The following DLG2 variants were observed in gnomAD, a reference collection of about 807,000 sequenced individuals.
DLG2 encodes discs large MAGUK scaffold protein 2.
In DLG2, 45 loss-of-function variants were observed where a neutral mutation model predicts 132.5. The observed-to-expected ratio is 0.34, with a 90% CI of 0.27 to 0.44. DLG2 has a LOEUF of 0.44. Ranked by LOEUF, DLG2 falls within the 20% of genes least tolerant of loss-of-function variation. DLG2 has a pLI of 1.00. For synonymous variants in DLG2, 424 were observed against 419.6 expected (o/e 1.01, Z -0.13); for missense variants, 1,045 against 1,196.9 (o/e 0.87, Z 1.87).
chr11:84,192,424 T>C (rs954138498), intron 8 of DLG2, among the ~76,000 whole-genome samples: 1 of 152,158 alleles, frequency 6.6e-6, no homozygotes, highest in Non-Finnish European at 1.5e-5. Context: ...TTTTATTTTA[T>C]GATCAGAAGA....
At chr11:84,845,145 GA>G (rs1185511096) in intron 6 of DLG2, among the ~76,000 whole-genome samples, 9 of 152,200 alleles carry the variant, frequency 5.9e-5, no homozygotes, top group Non-Finnish European at 7.4e-5. Flanking sequence ...AATATCTCAG[GA>G]GACAAGGGTT....
chr11:84,196,718 G>A (rs1475941794), intron 8 of DLG2, among the ~76,000 whole-genome samples: 1 of 152,106 alleles, frequency 6.6e-6, no homozygotes, highest in Non-Finnish European at 1.5e-5. Context: ...TGTTTATAGA[G>A]TGTTTCCTAA....
At chr11:85,459,969 A>G (rs1271929326) in intron 3 of DLG2, among the ~76,000 whole-genome samples, 2 of 152,144 alleles carry the variant, frequency 1.3e-5, no homozygotes, top group Non-Finnish European at 2.9e-5. Flanking sequence ...CCTAAACATT[A>G]AGTACTCTGC....
At chr11:84,847,642 A>C (rs1428963539) in intron 6 of DLG2, among the ~76,000 whole-genome samples, 1 of 152,194 alleles carries the variant, frequency 6.6e-6, no homozygotes, top group African/African-American at 2.4e-5. Context: ...TTAGCTCAAG[A>C]AACAATTCCA....
chr11:83,759,483 GAAGGC>G, intron 18 of DLG2, among the ~76,000 whole-genome samples: 1 of 152,168 alleles, frequency 6.6e-6, no homozygotes, highest in Non-Finnish European at 1.5e-5. Context: ...CTGTGACCTC[GAAGGC>G]TTTAGCAAAT....
intron 6 of DLG2, among the ~76,000 whole-genome samples, chr11:84,787,294 G>A (rs893946167): frequency 8.5e-5 from 13 of 152,188 alleles, no homozygotes; most frequent in South Asian, 6.2e-4. Flanking sequence ...CTGACCTGGC[G>A]TGCTCCAGAT....
At chr11:84,770,906 C>A (rs1312011815) in intron 6 of DLG2, among the ~76,000 whole-genome samples, 1 of 151,980 alleles carries the variant, frequency 6.6e-6, no homozygotes, top group East Asian at 1.9e-4. Flanking sequence ...CCCACCTTGG[C>A]CTCCCATAGT....
intron 6 of DLG2, chr11:84,997,476 C>G (rs1439121890): frequency 1.3e-5 from 2 of 152,154 alleles, no homozygotes; most frequent in Non-Finnish European, 2.9e-5. Context: ...ATGCTGTACA[C>G]ATTGGGGCAG....
chr11:85,057,682 A>G (rs1048133272), intron 6 of DLG2, among the ~76,000 whole-genome samples: 2 of 151,624 alleles, frequency 1.3e-5, no homozygotes, highest in African/African-American at 4.8e-5. Context: ...GATTTTAAAA[A>G]ACACAAAAAC....
At chr11:83,504,423 C>T (rs1280263687) in intron 21 of DLG2, among the ~76,000 whole-genome samples, 2 of 152,214 alleles carry the variant, frequency 1.3e-5, no homozygotes, top group Non-Finnish European at 2.9e-5. Context: ...TCCATGCATA[C>T]TCTTCCTTAC....
downstream of DLG2, chr11:83,455,067 A>G (rs967731804): frequency 2.0e-5 from 3 of 152,678 alleles, no homozygotes; most frequent in African/African-American, 7.2e-5. Context: ...AAACCATGAC[A>G]TGTTTATAAA....
intron 22 of DLG2, 57 bp downstream of exon 22, chr11:83,484,072 C>G: frequency 7.0e-7 from 1 of 1,426,406 alleles, no homozygotes. Context: ...TGCGTGTTGC[C>G]TGTGAATTTT....
intron 7 of DLG2, among the ~76,000 whole-genome samples, chr11:84,335,001 T>C (rs1453856122): frequency 2.0e-5 from 3 of 151,838 alleles, no homozygotes; most frequent in Non-Finnish European, 1.5e-5. Context: ...AAGAAATACA[T>C]TCCAAAATGC....
chr11:85,027,537 C>T (rs1435824497), intron 6 of DLG2, among the ~76,000 whole-genome samples: 1 of 152,192 alleles, frequency 6.6e-6, no homozygotes, highest in South Asian at 2.1e-4. Flanking sequence ...CTCACACCTG[C>T]CAAGGGGGAG....
intron 4 of DLG2, among the ~76,000 whole-genome samples, chr11:85,274,150 T>G (rs1395874811): frequency 1.3e-5 from 2 of 152,108 alleles, no homozygotes; most frequent in Non-Finnish European, 2.9e-5. Flanking sequence ...ATATACCTAA[T>G]GTAAATGATG....
chr11:85,083,928 T>A (rs1383959640), intron 6 of DLG2, among the ~76,000 whole-genome samples: 2 of 152,142 alleles, frequency 1.3e-5, no homozygotes, highest in Non-Finnish European at 2.9e-5. Flanking sequence ...ATGTTTCAGA[T>A]TAACTTTGGA....
chr11:83,759,572 C>A (rs900721442), intron 18 of DLG2, among the ~76,000 whole-genome samples: 8 of 152,094 alleles, frequency 5.3e-5, no homozygotes, highest in African/African-American at 1.9e-4. Flanking sequence ...TTCCTCCCTG[C>A]ATTCATTGTT....
In DLG2 at chr11:83,593,470, AATATCACACTCT is replaced by A. The variant is rs774568497; in HGVS notation, c.1940+39729_1940+39740del. On this transcript the variant is annotated intron_variant, in intron 19 of 27. Coordinates refer to ENST00000376104, the MANE Select transcript of DLG2 (RefSeq NM_001142699.3). ...GAGATCACATGGACACAGGAAGGGG[AATATCACACTCT>A]GGGGACTGTGGTGGGGTTGGCGGAG... is the stretch of plus-strand genomic sequence containing the variant. 1.4e-3 allele frequency among the ~76,000 whole-genome samples: 216 copies of A among 151,988 alleles called. 1 individual carries two copies. The highest frequency in any genetic ancestry group is 6.8e-3 in the Middle Eastern group (2 of 294).
At chr11:84,959,209 T>C (rs896523788) in intron 6 of DLG2, among the ~76,000 whole-genome samples, 2 of 152,216 alleles carry the variant, frequency 1.3e-5, no homozygotes, top group Non-Finnish European at 2.9e-5. Context: ...GCTTGGAGGC[T>C]TCACACGGAA....
Sources: allele counts gnomAD v4.1 joint callset (sites outside exome capture counted in the v4.1 genomes callset), GRCh38; gene constraint gnomAD v4.1.1; transcripts MANE v1.5; gene names NCBI Gene and HGNC (gene_info 2026-07-23, HGNC 2026-07-21).